Variants in LONP2 observed in about 807,000 individuals in gnomAD.
LONP2 encodes the protein lon peptidase 2, peroxisomal, also known as lon protease homolog 2, peroxisomal.
In LONP2, 60 loss-of-function variants were observed where a neutral mutation model predicts 85.6. That is an observed-to-expected ratio of 0.70 (90% CI 0.57 to 0.87). LONP2 has a LOEUF of 0.87. Among genes scored for constraint, LONP2 ranks in the 40% least tolerant of loss-of-function variants. The pLI, the probability that LONP2 is intolerant of heterozygous loss-of-function variation, is 0.00. For synonymous variants in LONP2, 395 were observed against 389.7 expected (o/e 1.01, Z -0.16); for missense variants, 860 against 1,063.5 (o/e 0.81, Z 2.66).
At chr16:48,346,690 G>A (rs1342806146) in intron 12 of LONP2, among the ~76,000 whole-genome samples, 1 of 152,116 alleles carries the variant, frequency 6.6e-6, no homozygotes, top group African/African-American at 2.4e-5. Context: ...CTGGGCTCAA[G>A]CGATCCTGTC....
At chr16:48,256,803 G>A in intron 3 of LONP2, 62 bp downstream of exon 3, 1 of 1,506,978 alleles carries the variant, frequency 6.6e-7, no homozygotes, top group Admixed American at 2.1e-5. Context: ...TCTAGATAGT[G>A]AGTAGTTAAG....
At chr16:48,281,931 T>C (rs1972336517) in intron 8 of LONP2, among the ~76,000 whole-genome samples, 1 of 152,224 alleles carries the variant, frequency 6.6e-6, no homozygotes, top group Non-Finnish European at 1.5e-5. Flanking sequence ...AGCTTCATGC[T>C]CTTAAGGATA....
chr16:48,361,504 T>G (rs765362779), downstream of LONP2: 13 of 1,473,722 alleles, frequency 8.8e-6, no homozygotes, highest in South Asian at 9.1e-5. Context: ...AGTTTTAGGT[T>G]GGCAGACAGA....
chr16:48,296,722 CAAAAAAAA>C (rs911933648), intron 9 of LONP2, among the ~76,000 whole-genome samples: 2,320 of 58,942 alleles, frequency 0.039, 216 homozygotes, highest in Admixed American at 0.26. Context: ...AACTCCATTT[CAAAAAAAA>C]AAAAAAAAAA....
At chr16:48,298,628 T>TGC (rs1972728879) in intron 9 of LONP2, among the ~76,000 whole-genome samples, 2 of 90,418 alleles carry the variant, frequency 2.2e-5, no homozygotes, top group East Asian at 4.2e-4. Flanking sequence ...TTAATTGAGG[T>TGC]GTGTGTGTGT....
intron 11 of LONP2, among the ~76,000 whole-genome samples, chr16:48,305,050 T>G (rs1972884644): frequency 6.6e-6 from 1 of 152,180 alleles, no homozygotes; most frequent in Non-Finnish European, 1.5e-5. Context: ...TTTCACAGAA[T>G]CCTTCTGTGG....
At chr16:48,312,875 C>T (rs1831917542) in intron 11 of LONP2, among the ~76,000 whole-genome samples, 1 of 152,080 alleles carries the variant, frequency 6.6e-6, no homozygotes, top group African/African-American at 2.4e-5. Flanking sequence ...CGAGCTGGGC[C>T]GTGAAACTCT....
At position 48,261,527 on chromosome 16, in the gene LONP2, A is replaced by G. The variant is rs1027808022; in HGVS notation, c.827A>G (p.Lys276Arg). The G allele has an allele frequency of 1.9e-6, 3 of 1,608,162 alleles. No individual in the cohort carries two copies. The African/African-American group carries it at 4.1e-5, about 22-fold the overall frequency. Residue 276 changes from lysine (K) to arginine (R), a missense_variant, in exon 5 of 15, where the codon AAA becomes AGA. By Grantham distance (26) the Lys-to-Arg change is conservative. This residue lies in a region of LONP2 where 743 missense variants were observed against 917.3 expected (regional missense o/e 0.81). Coordinates refer to ENST00000285737, the MANE Select transcript of LONP2 (RefSeq NM_031490.5). ...GATGACATTGTCATGCTAGAGAAAAAAATACGAACATCTAGTATGCCAGAG... is the reference window on the plus strand; with the variant it reads ...GATGACATTGTCATGCTAGAGAAAAGAATACGAACATCTAGTATGCCAGAG... ...DNDDIVMLEKKIRTSSMPEQA... is the reference protein window; with the variant it reads ...DNDDIVMLEKRIRTSSMPEQA...
At position 48,362,671 on chromosome 16, in the gene LONP2, CTCCCTTAA is replaced by C. The variant is rs1326584935; in HGVS notation, c.*811_*818del. ...AAAATGTTCCGGAAAACATGTGGAA[CTCCCTTAA>C]TCGTCTTTGGATAGACTACATAGAA... On this transcript the variant is annotated 3_prime_UTR_variant, in exon 5 of 5. Coordinates refer to the LONP2 transcript ENST00000565867. The surrounding 1 kb of genome is among the most constrained non-coding windows in gnomAD (Gnocchi z 4.2). 4.2e-6 allele frequency: 2 copies of C among 474,772 alleles called. No individual in the cohort carries two copies. Among genetic ancestry groups the C allele is most frequent in the Non-Finnish European group, 7.8e-6 (2 of 257,256 alleles). The allele number at this position is 474,772 out of a possible 1,614,324, so 29.4% of individuals were successfully genotyped here. A position where few individuals can be genotyped will look rare whatever the true frequency, so the allele number is the denominator to read the frequency against.
rs779323879 is a variant in LONP2, at chr16:48,347,553, G to A, written c.1985G>A (p.Trp662Ter). Residue 662 changes from tryptophan (W) to a stop codon, truncating the protein, a stop_gained, in exon 13 of 15, where the codon TGG becomes TAG. Coordinates refer to ENST00000285737, the MANE Select transcript of LONP2 (RefSeq NM_031490.5). LOFTEE classifies it high-confidence loss of function. ...CCAGGAGTAGCAATAGGTTTGGCTT[G>A]GACTCCCTTAGGTGGAGAAATCATG... is the stretch of plus-strand genomic sequence containing the variant. The part of the protein sequence containing the change: ...SQPGVAIGLA[W>*]TPLGGEIMFV... The A allele has an allele frequency of 1.2e-6, 2 of 1,614,232 alleles. No individual in the cohort carries two copies. Among genetic ancestry groups the A allele is most frequent in the Admixed American group, 1.7e-5 (1 of 60,026 alleles).
At chr16:48,350,762 C>T (rs759511102) in intron 14 of LONP2, among the ~76,000 whole-genome samples, 3 of 152,188 alleles carry the variant, frequency 2.0e-5, no homozygotes, top group Non-Finnish European at 4.4e-5. Flanking sequence ...AGGTTCCAGC[C>T]AGGCTGCAGT....
Position 48,244,619 on chromosome 16 carries a change from C to T in LONP2, c.231C>T (p.His77=). The T allele has an allele frequency of 7.1e-7, 1 of 1,406,794 alleles. No homozygotes were observed. Among genetic ancestry groups the T allele is most frequent in the South Asian group, 1.5e-5 (1 of 66,534 alleles). The allele number at this position is 1,406,794 out of a possible 1,614,324, so 87.1% of individuals were successfully genotyped here. ...ASDAQDLPPL[H]RIGTAALAVQ... is the part of the protein sequence containing the mutation. ...ACGCGCAGGACCTGCCGCCGCTGCA[C>T]AGGTAGGCCTGGCTGCCCCCGCGGC... Residue 77 remains histidine, a splice_region_variant and synonymous_variant, in exon 1 of 15, where the codon CAC becomes CAT. Transcript: ENST00000285737.
At chr16:48,316,666 A>G (rs1175610778) in intron 11 of LONP2, among the ~76,000 whole-genome samples, 1 of 152,114 alleles carries the variant, frequency 6.6e-6, no homozygotes, top group East Asian at 1.9e-4. Context: ...TAGATTCTCC[A>G]TTGATATTTT....
intron 14 of LONP2, among the ~76,000 whole-genome samples, chr16:48,348,801 C>T (rs1447902484): frequency 2.6e-5 from 4 of 152,098 alleles, no homozygotes; most frequent in Non-Finnish European, 5.9e-5. Context: ...GCCCACGTTT[C>T]CCATTCTAAG....
chr16:48,334,905 G>A (rs904915316), intron 12 of LONP2: 3 of 392,362 alleles, frequency 7.6e-6, no homozygotes, highest in Non-Finnish European at 1.5e-5. Context: ...TTTTTTGTTG[G>A]TACTCACTGG....
At chr16:48,334,391 G>T in intron 12 of LONP2, 33 bp downstream of exon 12, 2 of 1,613,848 alleles carry the variant, frequency 1.2e-6, no homozygotes, top group East Asian at 2.2e-5. Flanking sequence ...TTTTGCTCCA[G>T]TCAATGAAAG....
chr16:48,361,577 A>G (rs1459218574), downstream of LONP2: 1 of 1,610,628 alleles, frequency 6.2e-7, no homozygotes, highest in Non-Finnish European at 8.5e-7. Flanking sequence ...TTTGATTGCC[A>G]TTTCAACACA....
At chr16:48,280,532 A>T (rs1454527634) in intron 8 of LONP2, among the ~76,000 whole-genome samples, 1 of 152,174 alleles carries the variant, frequency 6.6e-6, no homozygotes, top group African/African-American at 2.4e-5. Context: ...TTCTTGTCTG[A>T]TGTAGACCTT....
At chr16:48,339,688 GT>G (rs1262788675) in intron 12 of LONP2, among the ~76,000 whole-genome samples, 4 of 152,196 alleles carry the variant, frequency 2.6e-5, no homozygotes, top group Non-Finnish European at 5.9e-5. Context: ...CAAAGCACCA[GT>G]GAGGAAATGG....
Sources: allele counts gnomAD v4.1 joint callset (sites outside exome capture counted in the v4.1 genomes callset), GRCh38; gene constraint gnomAD v4.1.1; regional missense constraint gnomAD v4.1.1; non-coding constraint Gnocchi (gnomAD v3.1); transcripts MANE v1.5; gene names NCBI Gene and HGNC (gene_info 2026-07-23, HGNC 2026-07-21).